The following ADAMTSL1 variants were observed in gnomAD, a reference collection of about 807,000 sequenced individuals.
The protein encoded by ADAMTSL1 is ADAMTS-like protein 1.
A neutral mutation model predicts 201.8 loss-of-function variants in ADAMTSL1; 126 were observed. The ratio of observed to expected loss-of-function variants is 0.62; its 90% CI spans 0.54 to 0.72. The LOEUF is 0.72. Ranked by LOEUF, ADAMTSL1 falls within the 30% of genes least tolerant of loss-of-function variation. The probability of loss-of-function intolerance (pLI) is 0.00; values close to 1 mark genes in which losing one functional copy is unlikely to be tolerated. For synonymous variants in ADAMTSL1, 1,121 were observed against 903.4 expected, an observed-to-expected ratio of 1.24 and a Z score of -4.32; for missense variants, 2,679 against 2,277.8, an observed-to-expected ratio of 1.18 and a Z score of -3.59.
chr9:17,998,780 A>G (rs1305305127), intron 1 of ADAMTSL1, among the ~76,000 whole-genome samples: 4 of 151,908 alleles, frequency 2.6e-5, no homozygotes, highest in African/African-American at 9.7e-5. Context: ...AAGTGAGGTG[A>G]CCTATCAAGC....
intron 15 of ADAMTSL1, among the ~76,000 whole-genome samples, chr9:18,740,672 T>C (rs569590415): frequency 6.6e-6 from 1 of 152,104 alleles, no homozygotes; most frequent in African/African-American, 2.4e-5. Context: ...AGACAGGGTT[T>C]CACCATGTTG....
intron 23 of ADAMTSL1, among the ~76,000 whole-genome samples, chr9:18,869,105 G>A (rs886810785): frequency 6.6e-6 from 1 of 152,188 alleles, no homozygotes; most frequent in Admixed American, 6.5e-5. Context: ...TAAAGACAGA[G>A]CAGAGTGATG....
chr9:17,924,251 G>A (rs1245698677), intron 1 of ADAMTSL1, among the ~76,000 whole-genome samples: 2 of 151,972 alleles, frequency 1.3e-5, no homozygotes, highest in Non-Finnish European at 2.9e-5. Flanking sequence ...AATCCATCTG[G>A]TCCTGGACTC....
intron 1 of ADAMTSL1, among the ~76,000 whole-genome samples, chr9:18,135,091 C>T (rs1056855496): frequency 3.9e-5 from 6 of 152,168 alleles, no homozygotes; most frequent in African/African-American, 1.2e-4. Context: ...CACAATCTAT[C>T]TCTGTTTCTT....
chr9:18,737,784 G>A (rs1818600961), intron 15 of ADAMTSL1, among the ~76,000 whole-genome samples: 1 of 152,174 alleles, frequency 6.6e-6, no homozygotes, highest in South Asian at 2.1e-4. Context: ...ACACTGGCTG[G>A]CAAAGCTCAA....
rs182321534 is a variant in ADAMTSL1 at position 18,197,863 on chromosome 9, C to T, written c.207+33882C>T. The stretch of plus-strand genomic sequence containing the variant: ...CACTACCTGACTTCAAACTATACTA[C>T]AAGGCTACAGTAACGAAGACAGCAT... On this transcript the variant is annotated intron_variant, in intron 2 of 29. Coordinates refer to the ADAMTSL1 transcript ENST00000680146. Among the ~76,000 whole-genome samples, 4 of 152,086 alleles carry T rather than the reference C, an allele frequency of 2.6e-5. No homozygotes were observed. The East Asian group carries it at 7.8e-4, about 30-fold the overall frequency.
chr9:18,748,229 CAT>C (rs1486530530), intron 15 of ADAMTSL1, among the ~76,000 whole-genome samples: 1 of 152,192 alleles, frequency 6.6e-6, no homozygotes, highest in Non-Finnish European at 1.5e-5. Context: ...AGAGCCCAAC[CAT>C]GAAGCTAAAC....
chr9:18,894,042 A>G (rs1258428184), intron 26 of ADAMTSL1, among the ~76,000 whole-genome samples: 1 of 152,232 alleles, frequency 6.6e-6, no homozygotes, highest in African/African-American at 2.4e-5. Flanking sequence ...TTTGCAGGAG[A>G]ATGAGGTGAC....
chr9:18,131,319 T>C (rs1310773749), intron 1 of ADAMTSL1, among the ~76,000 whole-genome samples: 1 of 152,162 alleles, frequency 6.6e-6, no homozygotes, highest in African/African-American at 2.4e-5. Context: ...AGTATTTCTA[T>C]AGGAAATTTG....
intron 26 of ADAMTSL1, among the ~76,000 whole-genome samples, chr9:18,905,207 G>A (rs745609546): frequency 1.2e-4 from 19 of 152,154 alleles, no homozygotes; most frequent in Admixed American, 3.9e-4. Flanking sequence ...CTGTGACAGG[G>A]TCAGGCTCCA....
chr9:18,543,903 A>C (rs965854026), intron 3 of ADAMTSL1, among the ~76,000 whole-genome samples: 7 of 151,832 alleles, frequency 4.6e-5, no homozygotes, highest in African/African-American at 1.7e-4. Flanking sequence ...TTTTTCTGAC[A>C]TGTCTTTATT....
Position 18,460,411 on chromosome 9 carries a change from G to C in ADAMTSL1, c.208-44418G>C, listed in dbSNP as rs183934990. Reference sequence around the variant, plus strand: ...GTCCTTTTCAATTTCAACTTCTTCAGCCCTAACCAAGGGGGACTATCCTCT... The same window carrying C: ...GTCCTTTTCAATTTCAACTTCTTCACCCCTAACCAAGGGGGACTATCCTCT... On this transcript the variant is annotated intron_variant, in intron 2 of 29. Transcript: ENST00000680146. 1.4e-3 allele frequency among the ~76,000 whole-genome samples: 211 copies of C among 152,218 alleles called. 2 individuals carry two copies. The highest frequency in any genetic ancestry group is 4.8e-3 in the African/African-American group (198 of 41,538).
At chr9:18,534,910 G>A (rs190820606) in intron 3 of ADAMTSL1, among the ~76,000 whole-genome samples, 1 of 152,192 alleles carries the variant, frequency 6.6e-6, no homozygotes, top group Admixed American at 6.5e-5. Flanking sequence ...CCACAGACCT[G>A]GTCCAGGAAA....
chr9:18,665,441 G>C (rs1324724382), intron 9 of ADAMTSL1, among the ~76,000 whole-genome samples: 1 of 152,050 alleles, frequency 6.6e-6, no homozygotes, highest in East Asian at 1.9e-4. Flanking sequence ...ATGTGATTGT[G>C]TCCACAGTCC....
At chr9:18,730,937 C>T (rs1390983041) in intron 15 of ADAMTSL1, among the ~76,000 whole-genome samples, 1 of 152,206 alleles carries the variant, frequency 6.6e-6, no homozygotes, top group Admixed American at 6.5e-5. Flanking sequence ...GCCCTCTGCC[C>T]GAGTTGCCTG....
At chr9:18,088,738 A>G (rs1372603797) in intron 1 of ADAMTSL1, among the ~76,000 whole-genome samples, 2 of 152,318 alleles carry the variant, frequency 1.3e-5, no homozygotes, top group Middle Eastern at 3.4e-3. Flanking sequence ...AAAGACAACA[A>G]TGTTGGTAAG....
At chr9:18,722,258 T>C (rs913983928) in intron 15 of ADAMTSL1, among the ~76,000 whole-genome samples, 14 of 152,172 alleles carry the variant, frequency 9.2e-5, no homozygotes, top group Non-Finnish European at 1.9e-4. Flanking sequence ...ATCAATCCAA[T>C]CACTGCTTCA....
At chr9:18,085,509 C>CATATATATATATACTGTGTGTGCAT (rs140122832) in intron 1 of ADAMTSL1, among the ~76,000 whole-genome samples, 2 of 145,096 alleles carry the variant, frequency 1.4e-5, no homozygotes, top group African/African-American at 5.1e-5. Flanking sequence ...ACTGTGTGTG[C>CATATATATATATACTGTGTGTGCAT]ATATATATAT....
At chr9:18,719,339 A>AT (rs1040242773) in intron 14 of ADAMTSL1, among the ~76,000 whole-genome samples, 2 of 152,086 alleles carry the variant, frequency 1.3e-5, no homozygotes, top group African/African-American at 4.8e-5. Context: ...TTCTTTTTTT[A>AT]TTTTTATTTT....
Sources: gnomAD v4.1 joint callset for allele counts (sites outside exome capture counted in the v4.1 genomes callset) on GRCh38, gnomAD v4.1.1 for gene constraint, MANE v1.5 for transcripts, NCBI Gene and HGNC (gene_info 2026-07-23, HGNC 2026-07-21) for gene names.